Variants in AUTS2 observed in about 807,000 individuals in gnomAD.
AUTS2 encodes the protein activator of transcription and developmental regulator AUTS2, also known as autism susceptibility gene 2 protein.
In AUTS2, 17 loss-of-function variants were observed where a neutral mutation model predicts 112.4. That is an observed-to-expected ratio of 0.15 (90% CI 0.10 to 0.23). The LOEUF is 0.23. Among genes scored for constraint, AUTS2 ranks in the 10% least tolerant of loss-of-function variants. The pLI, the probability that AUTS2 is intolerant of heterozygous loss-of-function variation, is 1.00. For synonymous variants in AUTS2, 751 were observed against 702.7 expected, an observed-to-expected ratio of 1.07 and a Z score of -1.09; for missense variants, 1,510 against 1,701.6, an observed-to-expected ratio of 0.89 and a Z score of 1.98.
intron 5 of AUTS2, among the ~76,000 whole-genome samples, chr7:70,581,569 T>C (rs149239349): frequency 0.01 from 1,530 of 152,264 alleles, 21 homozygotes; most frequent in African/African-American, 0.033. Context: ...TTGAGATTCA[T>C]TGGGCTCTTA....
chr7:69,847,378 C>T (rs182793160), intron 1 of AUTS2, among the ~76,000 whole-genome samples: 17 of 152,276 alleles, frequency 1.1e-4, no homozygotes, highest in Middle Eastern at 3.4e-3. Flanking sequence ...ATTCTTGTCC[C>T]GCAGCAAATT....
intron 2 of AUTS2, among the ~76,000 whole-genome samples, chr7:70,091,401 C>G (rs1803911047): frequency 6.6e-6 from 1 of 152,130 alleles, no homozygotes. Context: ...TAGGACTATT[C>G]TGATTCTCCT....
chr7:69,710,674 T>TG (rs539957486), intron 1 of AUTS2, among the ~76,000 whole-genome samples: 1 of 152,230 alleles, frequency 6.6e-6, no homozygotes, highest in South Asian at 2.1e-4. Context: ...GAAGTCCTTT[T>TG]TAAAGAAGCA....
At chr7:70,291,916 A>T (rs2129612052) in intron 4 of AUTS2, 1 of 152,362 alleles carries the variant, frequency 6.6e-6, no homozygotes, top group East Asian at 1.9e-4. Flanking sequence ...TAGATGAAGT[A>T]TAAGCAAAAC....
chr7:69,841,978 T>C (rs1386179258), intron 1 of AUTS2, among the ~76,000 whole-genome samples: 1 of 152,182 alleles, frequency 6.6e-6, no homozygotes, highest in African/African-American at 2.4e-5. Context: ...ATAGATAAGG[T>C]GATTTTGGCA....
chr7:70,747,961 A>G (rs982509414), intron 6 of AUTS2, among the ~76,000 whole-genome samples: 41 of 147,344 alleles, frequency 2.8e-4, no homozygotes, highest in African/African-American at 1.0e-3. Flanking sequence ...AGCTGGGACT[A>G]TAGGCACCTG....
intron 5 of AUTS2, among the ~76,000 whole-genome samples, chr7:70,563,098 A>G (rs1240499986): frequency 6.6e-6 from 1 of 152,136 alleles, no homozygotes; most frequent in African/African-American, 2.4e-5. Context: ...CTATGTAAAG[A>G]TGGAATAGAC....
chr7:70,663,779 G>A (rs4717541), intron 5 of AUTS2, among the ~76,000 whole-genome samples: 130,845 of 152,094 alleles, frequency 0.86, 56,656 homozygotes, highest in African/African-American at 0.97. Context: ...TGTGAAATGC[G>A]TATACTGTAG....
At chr7:70,713,045 T>C (rs533006453) in intron 6 of AUTS2, among the ~76,000 whole-genome samples, 8 of 152,342 alleles carry the variant, frequency 5.3e-5, no homozygotes, top group Admixed American at 5.2e-4. Flanking sequence ...TTCTGACAGA[T>C]GCTAGGCCTG....
At chr7:70,242,549 G>C (rs1259516962) in intron 4 of AUTS2, among the ~76,000 whole-genome samples, 1 of 152,158 alleles carries the variant, frequency 6.6e-6, no homozygotes, top group African/African-American at 2.4e-5. Flanking sequence ...ACATGCAGTA[G>C]GCACTCAATT....
At chr7:70,111,826 C>T (rs896208963) in intron 2 of AUTS2, among the ~76,000 whole-genome samples, 4 of 152,074 alleles carry the variant, frequency 2.6e-5, no homozygotes, top group Non-Finnish European at 5.9e-5. Context: ...AGAATGTTTA[C>T]TTCTGTATTT....
intron 2 of AUTS2, among the ~76,000 whole-genome samples, chr7:69,958,266 C>G (rs1797295905): frequency 6.6e-6 from 1 of 152,104 alleles, no homozygotes; most frequent in South Asian, 2.1e-4. Flanking sequence ...TGCTTCTTAG[C>G]TATAATGGCA....
chr7:70,594,425 A>G (rs1241282448), intron 5 of AUTS2, among the ~76,000 whole-genome samples: 1 of 152,180 alleles, frequency 6.6e-6, no homozygotes, highest in Non-Finnish European at 1.5e-5. Context: ...GGATGCTGCT[A>G]GTGGAGAGAA....
At chr7:70,234,197 AT>A (rs1364848050) in intron 4 of AUTS2, among the ~76,000 whole-genome samples, 1 of 152,178 alleles carries the variant, frequency 6.6e-6, no homozygotes, top group Non-Finnish European at 1.5e-5. Context: ...TAACTAACAT[AT>A]ATTAATATAT....
intron 4 of AUTS2, among the ~76,000 whole-genome samples, chr7:70,211,374 G>T (rs987216138): frequency 1.1e-4 from 17 of 150,894 alleles, no homozygotes; most frequent in Admixed American, 1.1e-3. Context: ...TTCTGGCCGG[G>T]CGCGGTGGTT....
intron 4 of AUTS2, among the ~76,000 whole-genome samples, chr7:70,208,045 A>T (rs935442347): frequency 1.3e-4 from 19 of 151,304 alleles, no homozygotes; most frequent in East Asian, 5.8e-4. Flanking sequence ...CCAACAAAAA[A>T]TTATCTTTAT....
At chr7:70,478,531 T>G (rs1797667715) in intron 5 of AUTS2, among the ~76,000 whole-genome samples, 1 of 152,144 alleles carries the variant, frequency 6.6e-6, no homozygotes, top group African/African-American at 2.4e-5. Flanking sequence ...AGTAGTTCCC[T>G]CTCTCTCTTC....
intron 4 of AUTS2, chr7:70,294,080 T>C (rs940901630): frequency 3.3e-5 from 5 of 152,210 alleles, no homozygotes; most frequent in African/African-American, 1.2e-4. Flanking sequence ...TATGTGAGAA[T>C]AATATAGATT....
chr7:70,229,590 G>A (rs1158109776), intron 4 of AUTS2, among the ~76,000 whole-genome samples: 1 of 152,090 alleles, frequency 6.6e-6, no homozygotes, highest in Non-Finnish European at 1.5e-5. Context: ...GATAATTTTG[G>A]AAGTTTAGAT....
Sources: gnomAD v4.1 joint callset for allele counts (sites outside exome capture counted in the v4.1 genomes callset) on GRCh38, gnomAD v4.1.1 for gene constraint, MANE v1.5 for transcripts, NCBI Gene and HGNC (gene_info 2026-07-23, HGNC 2026-07-21) for gene names.